ZC3H12B: variants seen among roughly 807,000 people sequenced by gnomAD.
The protein encoded by ZC3H12B is zinc finger CCCH-type containing 12B, also known as probable ribonuclease ZC3H12B.
In ZC3H12B, 7 loss-of-function variants were observed where a neutral mutation model predicts 43.9. The observed-to-expected ratio is 0.16, with a 90% CI of 0.09 to 0.30. The LOEUF (loss-of-function observed/expected upper bound fraction) is 0.30. Ranked by LOEUF, ZC3H12B falls within the 10% of genes least tolerant of loss-of-function variation. The pLI is 1.00. For missense variants in ZC3H12B, 475 were observed against 670.2 expected (o/e 0.71, Z 3.22); for synonymous variants, 222 against 241.7 (o/e 0.92, Z 0.76).
intron 3 of ZC3H12B, among the ~76,000 whole-genome samples, chrX:65,479,165 T>C (rs996323434): frequency 9.0e-6 from 1 of 111,087 alleles, no homozygotes; most frequent in Admixed American, 9.6e-5. Context: ...TCTAAATTTG[T>C]TGAGTTTCCT....
At chrX:65,203,405 G>T in the ZC3H12B span, among the ~76,000 whole-genome samples, 1 of 110,909 alleles carries the variant, frequency 9.0e-6, no homozygotes, top group Non-Finnish European at 1.9e-5. Context: ...GGTTATTACT[G>T]CTGATCGTTC....
chrX:65,344,328 A>C, the ZC3H12B span, among the ~76,000 whole-genome samples: 33 of 112,185 alleles, frequency 2.9e-4, no homozygotes, highest in Admixed American at 5.7e-4. Flanking sequence ...ATAAAAAGCT[A>C]GGTTACAGTA....
At chrX:65,213,963 G>A in the ZC3H12B span, among the ~76,000 whole-genome samples, 2 of 109,559 alleles carry the variant, frequency 1.8e-5, no homozygotes, top group Admixed American at 9.9e-5. Flanking sequence ...CAAGTCACAT[G>A]AATATTGTGA....
chrX:65,348,945 A>G, the ZC3H12B span, among the ~76,000 whole-genome samples: 1 of 111,328 alleles, frequency 9.0e-6, no homozygotes. Flanking sequence ...CCCACTGTCA[A>G]TGTTAGACAG....
At chrX:65,059,760 G>T in the ZC3H12B span, among the ~76,000 whole-genome samples, 1 of 111,821 alleles carries the variant, frequency 8.9e-6, no homozygotes, top group African/African-American at 3.2e-5. Flanking sequence ...TTTATGTGAA[G>T]AATGTCATTG....
At chrX:65,092,057 T>G in the ZC3H12B span, among the ~76,000 whole-genome samples, 7 of 111,052 alleles carry the variant, frequency 6.3e-5, no homozygotes, top group Non-Finnish European at 1.3e-4. Context: ...AGATCTTGTT[T>G]AAAAGTGTGT....
At chrX:65,141,640 A>G in the ZC3H12B span, among the ~76,000 whole-genome samples, 4 of 110,124 alleles carry the variant, frequency 3.6e-5, no homozygotes, top group Non-Finnish European at 3.8e-5. Context: ...TATACACTGC[A>G]CCCTATTTGT....
At chrX:65,198,065 C>A in the ZC3H12B span, among the ~76,000 whole-genome samples, 496 of 111,853 alleles carry the variant, frequency 4.4e-3, 1 homozygote, top group African/African-American at 0.016. Flanking sequence ...AATGATTAAG[C>A]CGACCTTCAG....
At chrX:65,064,841 A>G in the ZC3H12B span, among the ~76,000 whole-genome samples, 1 of 111,924 alleles carries the variant, frequency 8.9e-6, no homozygotes, top group East Asian at 2.8e-4. Context: ...TTGGGTGCAT[A>G]TATATTTAGG....
the ZC3H12B span, among the ~76,000 whole-genome samples, chrX:65,269,511 A>AT: frequency 8.4e-5 from 9 of 107,175 alleles, no homozygotes; most frequent in Non-Finnish European, 1.1e-4. Context: ...TTTTATTATT[A>AT]TTTTTTTTGA....
chrX:65,342,348 T>G, the ZC3H12B span, among the ~76,000 whole-genome samples: 67 of 111,810 alleles, frequency 6.0e-4, 1 homozygote, highest in East Asian at 0.017. Context: ...AACAACAGAA[T>G]GTAGATACAT....
chrX:65,163,309 A>T, the ZC3H12B span, among the ~76,000 whole-genome samples: 2 of 111,437 alleles, frequency 1.8e-5, no homozygotes, highest in African/African-American at 6.5e-5. Context: ...GCTGTCAGAC[A>T]GGGACATTTA....
chrX:65,262,315 A>G, the ZC3H12B span, among the ~76,000 whole-genome samples: 2 of 111,059 alleles, frequency 1.8e-5, no homozygotes, highest in Non-Finnish European at 3.8e-5. Flanking sequence ...AAAAACCTTC[A>G]GTAGTGACCA....
chrX:65,269,095 C>A, the ZC3H12B span, among the ~76,000 whole-genome samples: 2 of 111,163 alleles, frequency 1.8e-5, no homozygotes, highest in Non-Finnish European at 3.8e-5. Context: ...GCCTGTAATC[C>A]CAGCACTTTG....
the ZC3H12B span, among the ~76,000 whole-genome samples, chrX:65,229,108 G>A: frequency 1.8e-5 from 2 of 110,164 alleles, no homozygotes; most frequent in South Asian, 7.9e-4. Flanking sequence ...AAAGCTGGAG[G>A]CATCACACTA....
the ZC3H12B span, among the ~76,000 whole-genome samples, chrX:65,116,866 C>T: frequency 1.8e-5 from 2 of 111,696 alleles, no homozygotes; most frequent in Non-Finnish European, 3.8e-5. Context: ...CCAGCTTCAT[C>T]CATGTCTCTG....
At chrX:65,481,040 G>A (rs186084916) in intron 3 of ZC3H12B, among the ~76,000 whole-genome samples, 1 of 111,008 alleles carries the variant, frequency 9.0e-6, no homozygotes, top group African/African-American at 3.3e-5. Flanking sequence ...ACAACTAGCA[G>A]GAGTTAAGTG....
At chrX:65,473,917 T>G (rs1317784376) in intron 3 of ZC3H12B, among the ~76,000 whole-genome samples, 2 of 112,264 alleles carry the variant, frequency 1.8e-5, no homozygotes, top group Non-Finnish European at 3.8e-5. Flanking sequence ...ATGTTCCCTG[T>G]GTACTGGAGA....
At chrX:65,371,885 T>A (rs2066249267) in intron 2 of ZC3H12B, among the ~76,000 whole-genome samples, 1 of 111,425 alleles carries the variant, frequency 9.0e-6, no homozygotes, top group African/African-American at 3.3e-5. Context: ...AGTGTAGACT[T>A]TTTAGAAACT....
Sources: gnomAD v4.1 joint callset for allele counts (sites outside exome capture counted in the v4.1 genomes callset) on GRCh38, gnomAD v4.1.1 for gene constraint, MANE v1.5 for transcripts, NCBI Gene and HGNC (gene_info 2026-07-23, HGNC 2026-07-21) for gene names.